The following ANGPTL2 variants were observed in gnomAD, a reference collection of about 807,000 sequenced individuals.
ANGPTL2 encodes the protein angiopoietin-related protein 2.
In ANGPTL2, 25 loss-of-function variants were observed where a neutral mutation model predicts 52.8. The observed-to-expected ratio is 0.47, with a 90% CI of 0.35 to 0.66. The LOEUF (loss-of-function observed/expected upper bound fraction) is 0.66. Ranked by LOEUF, ANGPTL2 falls within the 30% of genes least tolerant of loss-of-function variation. ANGPTL2 has a pLI of 0.01. For synonymous variants in ANGPTL2, 276 were observed against 277.4 expected (o/e 1.00, Z 0.05); for missense variants, 546 against 656.9 (o/e 0.83, Z 1.84).
At chr9:127,104,517 C>G (rs2054034441) in intron 2 of ANGPTL2, among the ~76,000 whole-genome samples, 1 of 152,246 alleles carries the variant, frequency 6.6e-6, no homozygotes, top group Non-Finnish European at 1.5e-5. Context: ...TCATCCTAAT[C>G]AAAATGCCTT....
intron 1 of ANGPTL2, among the ~76,000 whole-genome samples, chr9:127,115,935 T>A (rs1450713905): frequency 6.6e-6 from 1 of 152,218 alleles, no homozygotes; most frequent in Non-Finnish European, 1.5e-5. Context: ...GATCTCCAGC[T>A]GCCCTCCCCT....
At chr9:127,098,451 G>A (rs1292620889) in intron 2 of ANGPTL2, among the ~76,000 whole-genome samples, 1 of 152,190 alleles carries the variant, frequency 6.6e-6, no homozygotes, top group African/African-American at 2.4e-5. Flanking sequence ...GTGGCCAAAT[G>A]TTCCACGTGA....
Position 127,091,678 on chromosome 9 carries a change from A to G in ANGPTL2, c.1274T>C (p.Val425Ala). 6.2e-7 allele frequency: 1 copy of G among 1,613,580 alleles called. No individual in the cohort carries two copies. ...GACTCCACTTTTCCTACCTGTGTAG[A>G]CATCATGATCTCTGTCCAGGGTGGT... ...QFTTLDRDHD[V>A]YTGNCAHYQK... is the part of the protein sequence containing the mutation. Residue 425 changes from valine (V) to alanine (A), a missense_variant, in exon 4 of 5, where the codon GTC (valine) becomes GCC (alanine). By Grantham distance (64) the Val-to-Ala change is moderately conservative. This residue lies in a region of ANGPTL2 where 261 missense variants were observed against 361.0 expected (regional missense o/e 0.72). Coordinates refer to ENST00000373425, the MANE Select transcript of ANGPTL2 (RefSeq NM_012098.3). This position sits in a 1 kb window ranked among gnomAD's most constrained non-coding sequence, Gnocchi z 4.3.
chr9:127,098,557 T>G (rs1036050971), intron 2 of ANGPTL2, among the ~76,000 whole-genome samples: 1 of 152,110 alleles, frequency 6.6e-6, no homozygotes, highest in African/African-American at 2.4e-5. Context: ...TCAGGAGGCC[T>G]CCAGAGGAGG....
chr9:127,103,260 A>G (rs1415990744), intron 2 of ANGPTL2, among the ~76,000 whole-genome samples: 4 of 152,236 alleles, frequency 2.6e-5, no homozygotes, highest in African/African-American at 9.6e-5. Flanking sequence ...AAATCCATCT[A>G]GGAAAACACT....
chr9:127,095,068 A>G (rs2052954299), intron 2 of ANGPTL2, among the ~76,000 whole-genome samples: 1 of 152,226 alleles, frequency 6.6e-6, no homozygotes, highest in African/African-American at 2.4e-5. Flanking sequence ...AATGGCTGAA[A>G]GAAAGAAAAT....
Position 127,122,308 on chromosome 9 carries a change from C to G in ANGPTL2, c.-50+7G>C, listed in dbSNP as rs902323738. ...TGCCTCTCATGGCCGCAGAGCTGGCCCCTTACCTCTTCCCTCCTGCTTGGC... is the reference window on the plus strand; with the variant it reads ...TGCCTCTCATGGCCGCAGAGCTGGCGCCTTACCTCTTCCCTCCTGCTTGGC... On this transcript the variant is annotated splice_region_variant and intron_variant, in intron 1 of 4. Coordinates refer to ENST00000373425, the MANE Select transcript of ANGPTL2 (RefSeq NM_012098.3). This position sits in a 1 kb window ranked among gnomAD's most constrained non-coding sequence, Gnocchi z 6.4. The G allele has an allele frequency of 1.3e-5, 2 of 152,496 alleles. No individual in the cohort carries two copies. The highest frequency in any genetic ancestry group is 4.8e-5 in the African/African-American group (2 of 41,448). The allele number at this position is 152,496 out of a possible 1,614,324, so 9.4% of individuals were successfully genotyped here. A position where few individuals can be genotyped will look rare whatever the true frequency, so the allele number is the denominator to read the frequency against.
In ANGPTL2 at chr9:127,091,903, C is replaced by G; in HGVS notation, c.1049G>C (p.Gly350Ala). 1.2e-6 allele frequency: 2 copies of G among 1,614,142 alleles called. No individual in the cohort carries two copies. Among genetic ancestry groups the G allele is most frequent in the Non-Finnish European group, 1.7e-6 (2 of 1,180,030 alleles). The change falls in exon 4 of 5, where the codon GGC (glycine) becomes GCC (alanine). Residue 350 changes from glycine (G) to alanine (A), a missense_variant. Around this residue, in one of 2 missense-constraint regions of ANGPTL2, gnomAD observed 261 missense variants for 361.0 expected, o/e 0.72. Transcript: ENST00000373425. The surrounding 1 kb of genome is among the most constrained non-coding windows in gnomAD (Gnocchi z 4.3). The stretch of plus-strand genomic sequence containing the variant: ...CGTCAGCCAGTAAATGTTCTCCAGG[C>G]CCAGCCAGTATTCGCCGTCAATGTT... The part of the protein sequence containing the change: ...FGNIDGEYWL[G>A]LENIYWLTNQ...
chr9:127,090,805 G>A (rs1459368822), intron 4 of ANGPTL2, among the ~76,000 whole-genome samples: 2 of 152,242 alleles, frequency 1.3e-5, no homozygotes, highest in Non-Finnish European at 2.9e-5. Context: ...GGAGGAGCAT[G>A]GCAGACTGAG....
chr9:127,104,655 GT>G (rs2054044787), intron 2 of ANGPTL2, among the ~76,000 whole-genome samples: 2 of 152,224 alleles, frequency 1.3e-5, no homozygotes, highest in Admixed American at 6.5e-5. Context: ...CCCTGTTACT[GT>G]CTCAGTAAGG....
chr9:127,106,829 G>A (rs1308971435), intron 2 of ANGPTL2: 3 of 152,162 alleles, frequency 2.0e-5, no homozygotes, highest in African/African-American at 2.4e-5. Context: ...CAGTACTGGT[G>A]GTTATTTTTA....
chr9:127,106,025 T>C (rs1312744665), intron 2 of ANGPTL2, among the ~76,000 whole-genome samples: 1 of 152,192 alleles, frequency 6.6e-6, no homozygotes, highest in Non-Finnish European at 1.5e-5. Flanking sequence ...TAAATAACTA[T>C]CTCATGAGCG....
chr9:127,117,640 T>G (rs1443338756), intron 1 of ANGPTL2, among the ~76,000 whole-genome samples: 1 of 152,218 alleles, frequency 6.6e-6, no homozygotes, highest in East Asian at 1.9e-4. Context: ...GAGAGAGGAA[T>G]GGTGTGGCAC....
At chr9:127,098,897 G>A (rs994113634) in intron 2 of ANGPTL2, among the ~76,000 whole-genome samples, 8 of 152,206 alleles carry the variant, frequency 5.3e-5, no homozygotes, top group African/African-American at 1.7e-4. Context: ...TGATTTACCC[G>A]TCCAGGCCCT....
chr9:127,092,390 C>T (rs957562365), intron 3 of ANGPTL2, among the ~76,000 whole-genome samples: 7 of 152,064 alleles, frequency 4.6e-5, no homozygotes, highest in Non-Finnish European at 1.0e-4. Context: ...TGAGCTGTGA[C>T]GCATGTGTCC....
chr9:127,110,079 T>C (rs1049833366), intron 1 of ANGPTL2, among the ~76,000 whole-genome samples: 5 of 152,306 alleles, frequency 3.3e-5, no homozygotes, highest in African/African-American at 1.2e-4. Flanking sequence ...GCAGCTCTTG[T>C]TGCATTTCTC....
rs186469217 is a variant in ANGPTL2, at chr9:127,107,308, C to T, written c.817+607G>A. ...CCTGCCAGCAATCCCATTCCTCCCC[C>T]ATAACGGTATTCGGAGAATTGCTGT... On this transcript the variant is annotated intron_variant, in intron 2 of 4. Coordinates refer to ENST00000373425, the MANE Select transcript of ANGPTL2 (RefSeq NM_012098.3). 3.9e-5 allele frequency among the ~76,000 whole-genome samples: 6 copies of T among 152,316 alleles called. No individual in the cohort carries two copies. In the East Asian group the frequency reaches 7.7e-4, roughly 20 times the overall value.
At chr9:127,092,026 A>G (rs1462754114) in intron 3 of ANGPTL2, 86 bp from the exon 4 acceptor site, 1 of 1,520,138 alleles carries the variant, frequency 6.6e-7, no homozygotes, top group Non-Finnish European at 8.9e-7. Flanking sequence ...AGCCCTGGAT[A>G]GAGGGGCCTG....
At chr9:127,096,969 A>G (rs1338225798) in intron 2 of ANGPTL2, among the ~76,000 whole-genome samples, 1 of 152,222 alleles carries the variant, frequency 6.6e-6, no homozygotes, top group Non-Finnish European at 1.5e-5. Flanking sequence ...GGTAAAGGAC[A>G]CAGCAGGTGT....
Sources: gnomAD v4.1 joint callset for allele counts (sites outside exome capture counted in the v4.1 genomes callset) on GRCh38, gnomAD v4.1.1 for gene constraint, gnomAD v4.1.1 regional missense constraint, Gnocchi (gnomAD v3.1) non-coding constraint, MANE v1.5 for transcripts, NCBI Gene and HGNC (gene_info 2026-07-23, HGNC 2026-07-21) for gene names.